Variants in ZNF567 observed in about 807,000 individuals in gnomAD.
ZNF567 encodes the protein zinc finger protein 567.
In ZNF567, 36 loss-of-function variants were observed where a neutral mutation model predicts 53.9. That is an observed-to-expected ratio of 0.67 (90% confidence interval 0.51 to 0.88). ZNF567 has a LOEUF of 0.88. Ranked by LOEUF, ZNF567 falls within the 40% of genes least tolerant of loss-of-function variation. ZNF567 has a pLI of 0.00. For missense variants in ZNF567, 619 were observed against 764.7 expected (o/e 0.81, Z 2.25); for synonymous variants, 224 against 260.4 (o/e 0.86, Z 1.35).
At chr19:36,683,081 T>C (rs1430163767), upstream of ZNF567, among the ~76,000 whole-genome samples, 2 of 152,064 alleles carry the variant, frequency 1.3e-5, no homozygotes, top group Non-Finnish European at 2.9e-5. Context: ...TTTTTGTTTT[T>C]GTTTTTTTGA....
At chr19:36,676,113 G>A in the ZNF567 span, among the ~76,000 whole-genome samples, 2 of 120,056 alleles carry the variant, frequency 1.7e-5, no homozygotes, top group Non-Finnish European at 3.3e-5. Context: ...GTTGCCCAGG[G>A]TGGAGTGCAG....
At chr19:36,713,953 C>CTA (rs1401760669) in intron 5 of ZNF567, among the ~76,000 whole-genome samples, 1 of 151,906 alleles carries the variant, frequency 6.6e-6, no homozygotes, top group African/African-American at 2.4e-5. Flanking sequence ...TAATAATACA[C>CTA]TATATATATC....
At chr19:36,721,742 T>C (rs1371311152), downstream of ZNF567, among the ~76,000 whole-genome samples, 7 of 102,386 alleles carry the variant, frequency 6.8e-5, no homozygotes, top group South Asian at 6.2e-4. Context: ...CTTTTTTTTT[T>C]TCTTTTTTTT....
upstream of ZNF567, chr19:36,686,817 G>A (rs1382687189): frequency 6.6e-6 from 1 of 152,112 alleles, no homozygotes; most frequent in Non-Finnish European, 1.5e-5. Flanking sequence ...CTATAAAGCG[G>A]GAGAAAAAAG....
intron 3 of ZNF567, among the ~76,000 whole-genome samples, chr19:36,710,416 A>ACT (rs2039721749): frequency 6.7e-6 from 1 of 150,300 alleles, no homozygotes; most frequent in East Asian, 2.0e-4. Context: ...CATGTTTAGT[A>ACT]ATTTTTGCTA....
chr19:36,711,938 A>G (rs1289463914), intron 3 of ZNF567: 1 of 152,852 alleles, frequency 6.5e-6, no homozygotes, highest in African/African-American at 2.4e-5. Context: ...TTTCCCTACA[A>G]TATAAATCAT....
chr19:36,714,389 C>G (rs1219959834), intron 5 of ZNF567: 1 of 392,506 alleles, frequency 2.5e-6, no homozygotes, highest in Non-Finnish European at 4.5e-6. Flanking sequence ...GTCTCAAACT[C>G]CTGACCTTGT....
At position 36,706,667 on chromosome 19, in the gene ZNF567, TGG is replaced by T. The variant is rs1265740837; in HGVS notation, c.10-5718_10-5717del. On this transcript the variant is annotated intron_variant, in intron 3 of 5. Coordinates refer to ENST00000682579, the MANE Select transcript of ZNF567 (RefSeq NM_001322917.1). ...ACCTGATTTCCATCCTTTTTACTGT[TGG>T]TTTTTTTTTTTGTTTTTTTTTTGAG... is the stretch of plus-strand genomic sequence containing the variant. Among the ~76,000 whole-genome samples the T allele has an allele frequency of 1.7e-4, 20 of 119,462 alleles. No individual in the cohort carries two copies. The East Asian group carries it at 2.1e-3, about 13-fold the overall frequency. The allele number at this position is 119,462 out of a possible 152,430, so 78.4% of individuals were successfully genotyped here. A position where few individuals can be genotyped will look rare whatever the true frequency, so the allele number is the denominator to read the frequency against.
chr19:36,693,078 A>G (rs531848037), intron 2 of ZNF567, among the ~76,000 whole-genome samples: 1 of 152,222 alleles, frequency 6.6e-6, no homozygotes, highest in South Asian at 2.1e-4. Context: ...GCTTGAGCCC[A>G]GGAATTGGAG....
At chr19:36,700,976 G>A (rs2039149681) in intron 3 of ZNF567, among the ~76,000 whole-genome samples, 1 of 151,770 alleles carries the variant, frequency 6.6e-6, no homozygotes, top group South Asian at 2.1e-4. Context: ...TTTTGAATGT[G>A]TTTGCTCTTG....
chr19:36,697,026 G>A (rs1345040761), intron 3 of ZNF567, among the ~76,000 whole-genome samples: 1 of 152,116 alleles, frequency 6.6e-6, no homozygotes, highest in Non-Finnish European at 1.5e-5. Context: ...TTAGAGGAAT[G>A]TATATAGACA....
chr19:36,678,308 C>T, the ZNF567 span, among the ~76,000 whole-genome samples: 1 of 152,146 alleles, frequency 6.6e-6, no homozygotes, highest in Non-Finnish European at 1.5e-5. Flanking sequence ...GTGCCCATAG[C>T]TCCTTCTATA....
At chr19:36,713,854 A>G (rs1459566083) in intron 5 of ZNF567, among the ~76,000 whole-genome samples, 3 of 151,754 alleles carry the variant, frequency 2.0e-5, no homozygotes, top group Non-Finnish European at 2.9e-5. Flanking sequence ...AGAATCGCTT[A>G]AACCCGGTAG....
the ZNF567 span, among the ~76,000 whole-genome samples, chr19:36,667,598 A>C: frequency 6.7e-6 from 1 of 150,018 alleles, no homozygotes; most frequent in Admixed American, 6.6e-5. Flanking sequence ...AAGAAAAAAC[A>C]AACAACAACA....
downstream of ZNF567, chr19:36,723,345 G>C: frequency 1.5e-6 from 1 of 680,378 alleles, no homozygotes; most frequent in South Asian, 1.6e-5. Flanking sequence ...AGTATCTGTG[G>C]CATCACTGCA....
chr19:36,688,622 A>G (rs1335872186), intron 1 of ZNF567, among the ~76,000 whole-genome samples: 1 of 150,256 alleles, frequency 6.7e-6, no homozygotes, highest in Non-Finnish European at 1.5e-5. Context: ...CCTGGTTAAC[A>G]TGGTGAAACC....
chr19:36,674,959 G>T, the ZNF567 span, among the ~76,000 whole-genome samples: 1 of 152,082 alleles, frequency 6.6e-6, no homozygotes, highest in Non-Finnish European at 1.5e-5. Flanking sequence ...CACCATGTTG[G>T]CCAGGCTAGT....
At chr19:36,693,620 G>T (rs2038732040) in intron 2 of ZNF567, among the ~76,000 whole-genome samples, 2 of 152,118 alleles carry the variant, frequency 1.3e-5, no homozygotes, top group African/African-American at 4.8e-5. Flanking sequence ...AATTCTGAGA[G>T]AGAAAAACTG....
intron 3 of ZNF567, among the ~76,000 whole-genome samples, chr19:36,699,156 C>T (rs1167406211): frequency 1.3e-5 from 2 of 152,062 alleles, no homozygotes; most frequent in African/African-American, 4.8e-5. Flanking sequence ...CCAGTTTTCC[C>T]AGCACCATTT....
Sources: gnomAD v4.1 joint callset for allele counts (sites outside exome capture counted in the v4.1 genomes callset) on GRCh38, gnomAD v4.1.1 for gene constraint, MANE v1.5 for transcripts, NCBI Gene and HGNC (gene_info 2026-07-23, HGNC 2026-07-21) for gene names.